Variants in PIK3R6 observed in about 807,000 individuals in gnomAD.
The protein encoded by PIK3R6 is phosphoinositide-3-kinase regulatory subunit 6, also known as phosphoinositide 3-kinase regulatory subunit 6.
PIK3R6 carries 91 observed loss-of-function variants against 84.9 expected under a neutral mutation model. That is an observed-to-expected ratio of 1.07 (90% CI 0.90 to 1.28). The LOEUF (loss-of-function observed/expected upper bound fraction) is 1.28. PIK3R6 is among the 50% of genes most tolerant of loss of function. PIK3R6 has a pLI of 0.00. For synonymous variants in PIK3R6, 416 were observed against 411.4 expected (o/e 1.01, Z -0.13); for missense variants, 996 against 985.1 (o/e 1.01, Z -0.15).
intron 10 of PIK3R6, among the ~76,000 whole-genome samples, chr17:8,829,399 C>G (rs927521624): frequency 2.0e-5 from 3 of 149,720 alleles, no homozygotes; most frequent in Non-Finnish European, 4.4e-5. Flanking sequence ...CACACGCATG[C>G]ACACATACAC....
chr17:8,856,478 T>C (rs1034733914), intron 1 of PIK3R6, among the ~76,000 whole-genome samples: 1 of 152,204 alleles, frequency 6.6e-6, no homozygotes. Flanking sequence ...GGCAGGTGCC[T>C]GTAATCCCAG....
At chr17:8,861,217 C>T (rs911651380) in intron 1 of PIK3R6, among the ~76,000 whole-genome samples, 4 of 150,852 alleles carry the variant, frequency 2.7e-5, no homozygotes, top group African/African-American at 7.3e-5. Context: ...AGAAAGCAGA[C>T]GTGTTGGCAA....
In PIK3R6 at chr17:8,803,444, A is replaced by G. The variant is rs778232674; in HGVS notation, c.2109-15T>C. 28 of 1,585,102 alleles carry G rather than the reference A, an allele frequency of 1.8e-5. No homozygotes were observed. In the African/African-American group the frequency reaches 3.4e-4, roughly 19 times the overall value. Reference sequence around the variant, plus strand: ...CAACCTCGAATCTGTGGGTGGAGAGAGACCAGCTCAGGTGACCCATCTGAG... The same window carrying G: ...CAACCTCGAATCTGTGGGTGGAGAGGGACCAGCTCAGGTGACCCATCTGAG... On this transcript the variant is annotated splice_polypyrimidine_tract_variant and intron_variant, in intron 19 of 19. Coordinates refer to ENST00000619866, the MANE Select transcript of PIK3R6 (RefSeq NM_001010855.4). The surrounding 1 kb of genome is among the most constrained non-coding windows in gnomAD (Gnocchi z 5.0).
rs2151283173 is a variant in PIK3R6, at chr17:8,842,031, C to G, written c.14-2334G>C. 6.6e-6 allele frequency among the ~76,000 whole-genome samples: 1 copy of G among 152,174 alleles called. No individual in the cohort carries two copies. The highest frequency in any genetic ancestry group is 2.1e-4 in the South Asian group (1 of 4,814). On this transcript the variant is annotated intron_variant, in intron 2 of 19. Transcript: ENST00000619866. The surrounding 1 kb of genome is among the most constrained non-coding windows in gnomAD (Gnocchi z 4.5). Reference sequence around the variant, plus strand: ...TTGTTAAAAAGAGCCCGGCACCTTCCCCCTCTCTCTTGCTTCATCTCTCAG... The same window carrying G: ...TTGTTAAAAAGAGCCCGGCACCTTCGCCCTCTCTCTTGCTTCATCTCTCAG...
chr17:8,848,541 C>T (rs2088865391), intron 2 of PIK3R6, among the ~76,000 whole-genome samples: 1 of 151,538 alleles, frequency 6.6e-6, no homozygotes, highest in Admixed American at 6.5e-5. Flanking sequence ...AGGCAGTTGT[C>T]ACACAATGGT....
At chr17:8,827,088 C>A in intron 13 of PIK3R6, 84 bp downstream of exon 13, 1 of 1,487,182 alleles carries the variant, frequency 6.7e-7, no homozygotes, top group Admixed American at 2.0e-5. Context: ...CCCTCGCTGC[C>A]TACTTGGGCT....
At chr17:8,849,706 G>T (rs374911842) in intron 2 of PIK3R6, 76 bp downstream of exon 2, 1 of 1,503,204 alleles carries the variant, frequency 6.7e-7, no homozygotes, top group African/African-American at 1.4e-5. Flanking sequence ...AGCCCTAGAG[G>T]CATCCTCACC....
chr17:8,826,413 G>C (rs1305286249), intron 13 of PIK3R6, among the ~76,000 whole-genome samples: 1 of 152,164 alleles, frequency 6.6e-6, no homozygotes, highest in East Asian at 1.9e-4. Context: ...CAAAGAAATT[G>C]TGGCACATAT....
intron 18 of PIK3R6, among the ~76,000 whole-genome samples, chr17:8,815,229 A>G (rs1384002730): frequency 6.6e-6 from 1 of 152,110 alleles, no homozygotes; most frequent in Non-Finnish European, 1.5e-5. Context: ...TTGAATATTA[A>G]AAAGTTGATC....
At chr17:8,866,139 C>T (rs1272578634) in intron 1 of PIK3R6, among the ~76,000 whole-genome samples, 1 of 152,106 alleles carries the variant, frequency 6.6e-6, no homozygotes, top group African/African-American at 2.4e-5. Flanking sequence ...AACCTCCGTG[C>T]CTCAGTTTCC....
intron 13 of PIK3R6, 39 bp from the exon 14 acceptor site, chr17:8,823,536 A>G (rs2087815019): frequency 7.1e-7 from 1 of 1,417,424 alleles, no homozygotes; most frequent in Admixed American, 1.8e-5. Flanking sequence ...CAACTCCCCC[A>G]AGGCCACTGT....
At chr17:8,863,877 A>G (rs556714306) in intron 1 of PIK3R6, among the ~76,000 whole-genome samples, 3 of 152,336 alleles carry the variant, frequency 2.0e-5, no homozygotes, top group Non-Finnish European at 4.4e-5. Flanking sequence ...AGGAGGTGCC[A>G]TTTGAGTGGG....
intron 1 of PIK3R6, among the ~76,000 whole-genome samples, chr17:8,850,891 T>A (rs1199825452): frequency 6.6e-6 from 1 of 152,144 alleles, no homozygotes; most frequent in Non-Finnish European, 1.5e-5. Flanking sequence ...CTAGAAGAGT[T>A]AGAAAAACTG....
Position 8,827,010 on chromosome 17 carries a change from C to T in PIK3R6, c.1515+162G>A, listed in dbSNP as rs112128957. On this transcript the variant is annotated intron_variant, in intron 13 of 19. Transcript: ENST00000619866. Reference sequence around the variant, plus strand: ...CTTGAATTCCCTTCATGTCTCATCCCACCTGACTCTTAAGGTCAAAGGTCA... The same window carrying T: ...CTTGAATTCCCTTCATGTCTCATCCTACCTGACTCTTAAGGTCAAAGGTCA... Among the ~76,000 whole-genome samples the T allele has an allele frequency of 1.5e-3, 223 of 152,234 alleles. 1 individual carries two copies. In the East Asian group the frequency reaches 0.017, roughly 12 times the overall value.
At chr17:8,846,076 G>C (rs2088809359) in intron 2 of PIK3R6, among the ~76,000 whole-genome samples, 1 of 152,142 alleles carries the variant, frequency 6.6e-6, no homozygotes. Context: ...GTGTTGCCTA[G>C]GATTCATATA....
At chr17:8,856,854 C>A (rs1303423454) in intron 1 of PIK3R6, among the ~76,000 whole-genome samples, 1 of 151,622 alleles carries the variant, frequency 6.6e-6, no homozygotes, top group African/African-American at 2.4e-5. Flanking sequence ...AGATGGCACA[C>A]ACAAAAGAAG....
Position 8,839,700 on chromosome 17 carries a change from G to T in PIK3R6, c.14-3C>A. ...CCTCTGGAGGTCCAGCTCCACATCTGGGCAGTGGTAGGGGTGGGAGGAAAC... is the reference window on the plus strand; with the variant it reads ...CCTCTGGAGGTCCAGCTCCACATCTTGGCAGTGGTAGGGGTGGGAGGAAAC... On this transcript the variant is annotated splice_region_variant and splice_polypyrimidine_tract_variant and intron_variant, in intron 2 of 19. Transcript: ENST00000619866. This position sits in a 1 kb window ranked among gnomAD's most constrained non-coding sequence, Gnocchi z 4.2. The T allele has an allele frequency of 1.3e-6, 2 of 1,567,302 alleles. No homozygotes were observed. The highest frequency in any genetic ancestry group is 1.9e-5 in the Admixed American group (1 of 52,750).
chr17:8,855,808 G>A (rs2089125693), intron 1 of PIK3R6, among the ~76,000 whole-genome samples: 2 of 152,204 alleles, frequency 1.3e-5, no homozygotes, highest in South Asian at 2.1e-4. Context: ...GTCACTTACT[G>A]TATGATCCCG....
intron 13 of PIK3R6, among the ~76,000 whole-genome samples, chr17:8,824,950 T>C (rs899460962): frequency 6.6e-6 from 1 of 152,136 alleles, no homozygotes; most frequent in Non-Finnish European, 1.5e-5. Flanking sequence ...AAAAAACAGA[T>C]ATGTAAAAGT....
Sources: gnomAD v4.1 joint callset for allele counts (sites outside exome capture counted in the v4.1 genomes callset) on GRCh38, gnomAD v4.1.1 for gene constraint, Gnocchi (gnomAD v3.1) non-coding constraint, MANE v1.5 for transcripts, NCBI Gene and HGNC (gene_info 2026-07-23, HGNC 2026-07-21) for gene names.